Variants in OLA1 observed in about 807,000 individuals in gnomAD.
The protein encoded by OLA1 is obg-like ATPase 1.
In OLA1, 14 loss-of-function variants were observed where a neutral mutation model predicts 48.4. The observed-to-expected ratio is 0.29, with a 90% CI of 0.19 to 0.45. The LOEUF (loss-of-function observed/expected upper bound fraction) is 0.45. Ranked by LOEUF, OLA1 falls within the 20% of genes least tolerant of loss-of-function variation. The probability of loss-of-function intolerance (pLI) is 1.00; values close to 1 mark genes in which losing one functional copy is unlikely to be tolerated. For synonymous variants in OLA1, 127 were observed against 150.4 expected (o/e 0.84, Z 1.14); for missense variants, 325 against 467.1 (o/e 0.70, Z 2.80).
At chr2:174,103,926 G>A (rs955356531) in intron 7 of OLA1, among the ~76,000 whole-genome samples, 1 of 152,130 alleles carries the variant, frequency 6.6e-6, no homozygotes, top group African/African-American at 2.4e-5. Context: ...TTCTGTGGAA[G>A]CACAGAGTCA....
chr2:174,235,838 CCAAA>C (rs1186130258), intron 2 of OLA1, among the ~76,000 whole-genome samples: 1 of 152,064 alleles, frequency 6.6e-6, no homozygotes, highest in Admixed American at 6.6e-5. Context: ...AAAGAACCAC[CCAAA>C]CAGAGTAGGA....
chr2:174,076,204 C>T (rs1684733327), intron 10 of OLA1, among the ~76,000 whole-genome samples: 1 of 152,170 alleles, frequency 6.6e-6, no homozygotes, highest in Non-Finnish European at 1.5e-5. Context: ...CTGATTCCAC[C>T]TGCTGGTATG....
intron 4 of OLA1, among the ~76,000 whole-genome samples, chr2:174,145,894 A>G (rs893734189): frequency 4.6e-5 from 7 of 152,214 alleles, no homozygotes; most frequent in African/African-American, 1.7e-4. Flanking sequence ...TTTTGGTGCC[A>G]GTCTACATAA....
chr2:174,095,110 A>G (rs781624579), intron 7 of OLA1, among the ~76,000 whole-genome samples: 6 of 152,156 alleles, frequency 3.9e-5, no homozygotes, highest in Non-Finnish European at 8.8e-5. Flanking sequence ...TGTAATGAAC[A>G]TGGGTGTGCA....
chr2:174,126,925 T>C (rs749944116), intron 5 of OLA1, among the ~76,000 whole-genome samples: 1 of 152,198 alleles, frequency 6.6e-6, no homozygotes, highest in Non-Finnish European at 1.5e-5. Context: ...GCTTTTTTCA[T>C]GAAATCTCAA....
chr2:174,104,239 T>C (rs1171870411), intron 7 of OLA1, among the ~76,000 whole-genome samples: 1 of 152,022 alleles, frequency 6.6e-6, no homozygotes, highest in Non-Finnish European at 1.5e-5. Flanking sequence ...TTATCAGGTA[T>C]ATACAGTAAC....
At chr2:174,076,806 T>TAC (rs571379943) in intron 10 of OLA1, among the ~76,000 whole-genome samples, 1 of 148,510 alleles carries the variant, frequency 6.7e-6, no homozygotes, top group East Asian at 1.9e-4. Context: ...ATATGACACA[T>TAC]ATGTGTGTGT....
intron 7 of OLA1, among the ~76,000 whole-genome samples, chr2:174,118,439 T>C (rs1203472598): frequency 6.6e-6 from 1 of 152,150 alleles, no homozygotes; most frequent in Non-Finnish European, 1.5e-5. Context: ...ATGAATCATT[T>C]GTAATTTGAA....
chr2:174,162,095 T>C (rs1687025087), intron 4 of OLA1, among the ~76,000 whole-genome samples: 3 of 152,128 alleles, frequency 2.0e-5, no homozygotes, highest in South Asian at 4.2e-4. Flanking sequence ...ACAGAGGATA[T>C]GGACCTTAAA....
At chr2:174,102,868 A>G (rs1685427975) in intron 7 of OLA1, among the ~76,000 whole-genome samples, 1 of 152,204 alleles carries the variant, frequency 6.6e-6, no homozygotes, top group Non-Finnish European at 1.5e-5. Flanking sequence ...TTTATTTTCA[A>G]AAACTCAATT....
Position 174,157,900 on chromosome 2 carries a change from T to C in OLA1, c.374-15900A>G, listed in dbSNP as rs75255694. Among the ~76,000 whole-genome samples the C allele has an allele frequency of 4.5e-3, 686 of 152,228 alleles. 5 individuals are homozygous for C. The highest frequency in any genetic ancestry group is 0.015 in the African/African-American group (637 of 41,534). ...ATAATATACCTCACAAAATACACCA[T>C]TAAATGCATTAACACACAGTTCTAA... On this transcript the variant is annotated intron_variant, in intron 4 of 10. Transcript: ENST00000284719.
intron 4 of OLA1, among the ~76,000 whole-genome samples, chr2:174,158,966 C>A (rs1473749644): frequency 2.6e-5 from 4 of 152,188 alleles, no homozygotes; most frequent in African/African-American, 9.7e-5. Context: ...TTATACCTGT[C>A]AAGATCTGAT....
intron 9 of OLA1, chr2:174,079,297 G>T (rs1369152547): frequency 4.0e-5 from 14 of 353,482 alleles, no homozygotes; most frequent in Non-Finnish European, 6.6e-5. Flanking sequence ...TTAAAGAAGC[G>T]TGGCTTTGTT....
At chr2:174,194,075 A>ACT (rs1442421446) in intron 4 of OLA1, among the ~76,000 whole-genome samples, 1 of 152,168 alleles carries the variant, frequency 6.6e-6, no homozygotes, top group Non-Finnish European at 1.5e-5. Context: ...TGCTGTGCTT[A>ACT]CTACCTCCTT....
intron 5 of OLA1, among the ~76,000 whole-genome samples, chr2:174,138,749 A>G (rs1686369254): frequency 6.6e-6 from 1 of 152,256 alleles, no homozygotes; most frequent in African/African-American, 2.4e-5. Context: ...TTAAAAACAA[A>G]TAGCTTAAAT....
chr2:174,098,680 C>T (rs1389188198), intron 7 of OLA1, among the ~76,000 whole-genome samples: 1 of 152,064 alleles, frequency 6.6e-6, no homozygotes, highest in East Asian at 1.9e-4. Context: ...AGTTTTCTCA[C>T]CTATAAATGG....
intron 4 of OLA1, among the ~76,000 whole-genome samples, chr2:174,206,224 G>T (rs1375228447): frequency 1.3e-5 from 2 of 152,094 alleles, no homozygotes; most frequent in Non-Finnish European, 2.9e-5. Context: ...ATTCTGACAA[G>T]AAAAATGAGG....
chr2:174,183,421 CAG>C (rs1470171851), intron 4 of OLA1, among the ~76,000 whole-genome samples: 3 of 152,174 alleles, frequency 2.0e-5, no homozygotes, highest in African/African-American at 7.2e-5. Flanking sequence ...AGGTGGAAAA[CAG>C]AGTGCACAAG....
At chr2:174,149,096 T>C (rs62174163) in intron 4 of OLA1, among the ~76,000 whole-genome samples, 154 of 152,246 alleles carry the variant, frequency 1.0e-3, no homozygotes, top group Non-Finnish European at 1.7e-3. Context: ...TCTCTCCACT[T>C]TTTCCGCCTA....
Sources: allele counts gnomAD v4.1 joint callset (sites outside exome capture counted in the v4.1 genomes callset), GRCh38; gene constraint gnomAD v4.1.1; transcripts MANE v1.5; gene names NCBI Gene and HGNC (gene_info 2026-07-23, HGNC 2026-07-21).